Variants in KAZN observed in about 807,000 individuals in gnomAD.
KAZN encodes the protein kazrin.
In KAZN, 40 loss-of-function variants were observed where a neutral mutation model predicts 87.4. The observed-to-expected ratio is 0.46, with a 90% confidence interval of 0.36 to 0.60. The LOEUF is 0.60. Among genes scored for constraint, KAZN ranks in the 20% least tolerant of loss-of-function variants. KAZN has a pLI of 0.00. For missense variants in KAZN, 898 were observed against 1,073.9 expected (o/e 0.84, Z 2.29); for synonymous variants, 466 against 458.3 (o/e 1.02, Z -0.22).
chr1:14,737,894 A>G (rs1182092687), intron 1 of KAZN, among the ~76,000 whole-genome samples: 2 of 152,106 alleles, frequency 1.3e-5, no homozygotes, highest in Admixed American at 1.3e-4. Context: ...TTAAGGACTC[A>G]CCTGATTAGG....
chr1:14,906,160 C>T (rs1656535576), intron 1 of KAZN, among the ~76,000 whole-genome samples: 1 of 149,014 alleles, frequency 6.7e-6, no homozygotes, highest in Non-Finnish European at 1.5e-5. Flanking sequence ...ATCGAGACTC[C>T]ATCTCAAAAA....
intron 1 of KAZN, among the ~76,000 whole-genome samples, chr1:13,920,803 G>T (rs1640036679): frequency 6.6e-6 from 1 of 152,156 alleles, no homozygotes; most frequent in African/African-American, 2.4e-5. Context: ...TCTGGTCAAA[G>T]ATATCACTTG....
In KAZN at chr1:15,063,877, G is replaced by A. The variant is rs146312438; in HGVS notation, c.1098+255G>A. 1.1e-4 allele frequency among the ~76,000 whole-genome samples: 14 copies of A among 133,244 alleles called. 1 individual carries two copies. The highest frequency in any genetic ancestry group is 5.8e-4 in the African/African-American group (14 of 24,302). The allele number at this position is 133,244 out of a possible 152,430, so 87.4% of individuals were successfully genotyped here. ...CCACTTCCGCTGAGCCCACATCCATGCCGCACACCCAAGATGGAGAGGATT... is the reference window on the plus strand; with the variant it reads ...CCACTTCCGCTGAGCCCACATCCATACCGCACACCCAAGATGGAGAGGATT... On this transcript the variant is annotated intron_variant, in intron 7 of 14. Coordinates refer to ENST00000376030, the MANE Select transcript of KAZN (RefSeq NM_201628.3).
intron 1 of KAZN, among the ~76,000 whole-genome samples, chr1:14,688,574 C>G (rs1368221207): frequency 6.6e-6 from 1 of 152,230 alleles, no homozygotes; most frequent in Non-Finnish European, 1.5e-5. Flanking sequence ...AAGTATAAAA[C>G]ACGATGAAGT....
chr1:14,523,387 G>A (rs961391340), intron 2 of KAZN, among the ~76,000 whole-genome samples: 1 of 148,450 alleles, frequency 6.7e-6, no homozygotes, highest in Admixed American at 6.6e-5. Context: ...CTGTCCAGTG[G>A]GCAGCTCCAA....
At chr1:13,906,971 G>T (rs1195521476) in intron 1 of KAZN, among the ~76,000 whole-genome samples, 1 of 152,178 alleles carries the variant, frequency 6.6e-6, no homozygotes, top group Non-Finnish European at 1.5e-5. Flanking sequence ...CTGTGCAAAG[G>T]CCATTGCAAA....
chr1:14,608,074 G>T (rs1157638034), intron 1 of KAZN, among the ~76,000 whole-genome samples: 2 of 152,226 alleles, frequency 1.3e-5, no homozygotes, highest in Non-Finnish European at 2.9e-5. Flanking sequence ...AAAAACAGGG[G>T]ATTAGAACAC....
At chr1:14,252,727 A>T (rs1650159518) in intron 2 of KAZN, among the ~76,000 whole-genome samples, 1 of 152,210 alleles carries the variant, frequency 6.6e-6, no homozygotes, top group Admixed American at 6.5e-5. Context: ...TTGCTATATT[A>T]TTAGTTAGGA....
At chr1:13,968,521 CGTGACGG>C in intron 1 of KAZN, among the ~76,000 whole-genome samples, 1 of 152,312 alleles carries the variant, frequency 6.6e-6, no homozygotes, top group Middle Eastern at 3.4e-3. Context: ...AAACTCCTCA[CGTGACGG>C]GTCTACACTT....
At chr1:14,886,300 G>A (rs1157111801) in intron 1 of KAZN, among the ~76,000 whole-genome samples, 4 of 152,100 alleles carry the variant, frequency 2.6e-5, no homozygotes, top group East Asian at 1.9e-4. Flanking sequence ...ACATGCACCC[G>A]TAGCCCTAGC....
chr1:14,900,598 GAAA>G (rs1355157912), intron 1 of KAZN, among the ~76,000 whole-genome samples: 2 of 151,770 alleles, frequency 1.3e-5, no homozygotes, highest in Non-Finnish European at 2.9e-5. Context: ...CTAAAAAATA[GAAA>G]AAATTAGCCA....
At chr1:13,931,463 T>TGA (rs2100934943) in intron 1 of KAZN, among the ~76,000 whole-genome samples, 1 of 151,834 alleles carries the variant, frequency 6.6e-6, no homozygotes, top group African/African-American at 2.4e-5. Flanking sequence ...TGTGTGTGTG[T>TGA]GTGCATGCGT....
intron 2 of KAZN, among the ~76,000 whole-genome samples, chr1:14,985,576 G>C (rs1446592101): frequency 6.6e-6 from 1 of 151,532 alleles, no homozygotes; most frequent in Admixed American, 6.6e-5. Context: ...AGAATGAGAA[G>C]GCGTTACCAG....
At chr1:14,969,651 A>C (rs976152179) in intron 2 of KAZN, among the ~76,000 whole-genome samples, 1 of 152,176 alleles carries the variant, frequency 6.6e-6, no homozygotes, top group African/African-American at 2.4e-5. Context: ...TCCAGTTGAT[A>C]ATAATTGATG....
chr1:14,478,249 A>AGGAAGGAAG (rs1553178122), intron 2 of KAZN, among the ~76,000 whole-genome samples: 70 of 101,492 alleles, frequency 6.9e-4, no homozygotes, highest in African/African-American at 3.0e-3. Context: ...AGGAAGGAAA[A>AGGAAGGAAG]GAAGGAAGGA....
At chr1:14,663,190 T>G (rs529507420) in intron 1 of KAZN, among the ~76,000 whole-genome samples, 3 of 152,188 alleles carry the variant, frequency 2.0e-5, no homozygotes, top group African/African-American at 7.2e-5. Context: ...TTGTCCAGGC[T>G]GATCTCAAAC....
At chr1:14,876,234 G>A (rs1034285504) in intron 1 of KAZN, among the ~76,000 whole-genome samples, 2 of 152,202 alleles carry the variant, frequency 1.3e-5, no homozygotes, top group Admixed American at 6.5e-5. Context: ...AATCTGATCT[G>A]CACAATCACA....
At chr1:14,609,531 A>G (rs542576528) in intron 1 of KAZN, among the ~76,000 whole-genome samples, 2 of 152,288 alleles carry the variant, frequency 1.3e-5, no homozygotes, top group African/African-American at 4.8e-5. Context: ...CCACCCTCTA[A>G]CTTTTTCAGT....
chr1:14,450,137 C>T (rs963105003), intron 2 of KAZN, among the ~76,000 whole-genome samples: 3 of 152,096 alleles, frequency 2.0e-5, no homozygotes, highest in African/African-American at 7.2e-5. Context: ...CGCCTGCAGT[C>T]TCTCTCTGCC....
Sources: gnomAD v4.1 joint callset for allele counts (sites outside exome capture counted in the v4.1 genomes callset) on GRCh38, gnomAD v4.1.1 for gene constraint, MANE v1.5 for transcripts, NCBI Gene and HGNC (gene_info 2026-07-23, HGNC 2026-07-21) for gene names.